The following FMNL3 variants were observed in gnomAD, a reference collection of about 807,000 sequenced individuals.
The protein encoded by FMNL3 is formin-like protein 3.
FMNL3 carries 57 observed loss-of-function variants against 119.6 expected under a neutral mutation model. That is an observed-to-expected ratio of 0.48 (90% CI 0.39 to 0.59). FMNL3 has a LOEUF of 0.59. Ranked by LOEUF, FMNL3 falls within the 20% of genes least tolerant of loss-of-function variation. FMNL3 has a pLI of 0.00. For missense variants in FMNL3, 1,053 were observed against 1,323.5 expected, an observed-to-expected ratio of 0.80 and a Z score of 3.17; for synonymous variants, 491 against 507.3, an observed-to-expected ratio of 0.97 and a Z score of 0.43.
At chr12:49,646,707 T>G in intron 25 of FMNL3, 179 bp downstream of exon 25, 1 of 1,542,906 alleles carries the variant, frequency 6.5e-7, no homozygotes, top group Non-Finnish European at 8.7e-7. Flanking sequence ...AGAAGAAGCG[T>G]GAGCCCCGCT....
chr12:49,698,630 G>T (rs1259571377), intron 1 of FMNL3, among the ~76,000 whole-genome samples: 1 of 152,052 alleles, frequency 6.6e-6, no homozygotes, highest in South Asian at 2.1e-4. Context: ...AGAGAACCTG[G>T]AAAGAGGAAG....
chr12:49,672,461 T>C (rs12310510), intron 1 of FMNL3, among the ~76,000 whole-genome samples: 32,699 of 152,068 alleles, frequency 0.22, 5,846 homozygotes, highest in African/African-American at 0.5. Context: ...ATAATAAAAA[T>C]CTATAATGGG....
chr12:49,648,173 C>T lies in FMNL3; in HGVS notation c.2676+20G>A, dbSNP rs778392739. 10 of 1,605,236 alleles carry T rather than the reference C, an allele frequency of 6.2e-6. No individual in the cohort carries two copies. Among genetic ancestry groups the T allele is most frequent in the Non-Finnish European group, 8.5e-6 (10 of 1,174,486 alleles). On this transcript the variant is annotated intron_variant, in intron 22 of 25. Coordinates refer to ENST00000335154, the MANE Select transcript of FMNL3 (RefSeq NM_175736.5). The stretch of plus-strand genomic sequence containing the variant: ...GTGCCTTGGCCCTGGTTGCTCCCAC[C>T]GCCTGCACCCCGTGCTTGCCTCAGC...
intron 1 of FMNL3, among the ~76,000 whole-genome samples, chr12:49,695,647 G>A (rs143275578): frequency 9.7e-4 from 147 of 152,232 alleles, no homozygotes; most frequent in Non-Finnish European, 1.8e-3. Flanking sequence ...CCAGGCAGTC[G>A]GTAAGGACCA....
At chr12:49,691,729 T>C (rs1043622018) in intron 1 of FMNL3, among the ~76,000 whole-genome samples, 17 of 151,590 alleles carry the variant, frequency 1.1e-4, no homozygotes, top group Admixed American at 9.2e-4. Context: ...GCCTTTTTTT[T>C]CCCCCCATTA....
chr12:49,684,945 G>A (rs1944420016), intron 1 of FMNL3, among the ~76,000 whole-genome samples: 1 of 152,228 alleles, frequency 6.6e-6, no homozygotes, highest in African/African-American at 2.4e-5. Flanking sequence ...TCTGGACACA[G>A]AAGGGGTCCA....
In FMNL3 at chr12:49,664,603, G is replaced by C. The variant is rs533510449; in HGVS notation, c.368+1229C>G. ...CAGTCAGTGAAGTCAGTGAAGGACT[G>C]ACCAAACAAAGGAAGAGGCTTGGCC... is the stretch of plus-strand genomic sequence containing the variant. On this transcript the variant is annotated intron_variant, in intron 4 of 25. Transcript: ENST00000335154. Among the ~76,000 whole-genome samples, 54 of 152,282 alleles carry C rather than the reference G, an allele frequency of 3.5e-4. 2 individuals carry two copies. The South Asian group carries it at 0.011, about 32-fold the overall frequency.
chr12:49,691,206 T>C (rs762442671), intron 1 of FMNL3, among the ~76,000 whole-genome samples: 1 of 152,264 alleles, frequency 6.6e-6, no homozygotes, highest in Non-Finnish European at 1.5e-5. Flanking sequence ...AGAGTTGTGA[T>C]GATTAAATGA....
At chr12:49,669,597 C>A (rs190553153) in intron 1 of FMNL3, among the ~76,000 whole-genome samples, 2 of 152,094 alleles carry the variant, frequency 1.3e-5, no homozygotes, top group African/African-American at 4.8e-5. Flanking sequence ...TTTGGGAGGC[C>A]GAGGTGGGCG....
At chr12:49,700,043 A>C (rs1488751255) in intron 1 of FMNL3, among the ~76,000 whole-genome samples, 1 of 152,238 alleles carries the variant, frequency 6.6e-6, no homozygotes, top group Non-Finnish European at 1.5e-5. Context: ...ATAATCAGAG[A>C]TGGACACAAA....
chr12:49,692,408 TA>T (rs1237810757), intron 1 of FMNL3, among the ~76,000 whole-genome samples: 1 of 151,874 alleles, frequency 6.6e-6, no homozygotes, highest in Non-Finnish European at 1.5e-5. Flanking sequence ...CACAAGTAGA[TA>T]ATGTAAAAGA....
chr12:49,651,136 A>G, intron 16 of FMNL3, 32 bp downstream of exon 16: 1 of 1,605,888 alleles, frequency 6.2e-7, no homozygotes, highest in Non-Finnish European at 8.5e-7. Flanking sequence ...CTAGCCCTCA[A>G]CCTTAGCCCT....
chr12:49,641,753 G>T lies in FMNL3; in HGVS notation c.*4062C>A. On this transcript the variant is annotated 3_prime_UTR_variant, in exon 26 of 26. Transcript: ENST00000335154. Reference sequence around the variant, plus strand: ...GGGGGCTTAATTGTCAAGTGATGAGGACTTGGATAACTTGGTTTCTAATGC... The same window carrying T: ...GGGGGCTTAATTGTCAAGTGATGAGTACTTGGATAACTTGGTTTCTAATGC... 1 of 624,740 alleles carries T rather than the reference G, an allele frequency of 1.6e-6. No individual in the cohort carries two copies. The highest frequency in any genetic ancestry group is 2.8e-6 in the Non-Finnish European group (1 of 352,846). 38.7% of individuals were successfully genotyped at this position (624,740 alleles called of 1,614,324 possible). A position where few individuals can be genotyped will look rare whatever the true frequency, so the allele number is the denominator to read the frequency against.
rs1942440648 is a variant in FMNL3, at chr12:49,640,314, G to A, written c.*5501C>T. Reference sequence around the variant, plus strand: ...CCAGTCTAGGATGTTTGAAAATCAGGAGAGATGAAGGATGAGATTGCGAGG... The same window carrying A: ...CCAGTCTAGGATGTTTGAAAATCAGAAGAGATGAAGGATGAGATTGCGAGG... On this transcript the variant is annotated 3_prime_UTR_variant, in exon 26 of 26. Coordinates refer to ENST00000335154, the MANE Select transcript of FMNL3 (RefSeq NM_175736.5). The A allele has an allele frequency of 6.6e-6, 1 of 152,244 alleles. No individual in the cohort carries two copies. The highest frequency in any genetic ancestry group is 6.5e-5 in the Admixed American group (1 of 15,284). The allele number at this position is 152,244 out of a possible 1,614,324, so 9.4% of individuals were successfully genotyped here. A position where few individuals can be genotyped will look rare whatever the true frequency, so the allele number is the denominator to read the frequency against.
rs182723490 is a variant in FMNL3 at position 49,647,389 on chromosome 12, G to C, written c.2779-21C>G. 7 of 1,608,166 alleles carry C rather than the reference G, an allele frequency of 4.4e-6. No individual in the cohort carries two copies. Among genetic ancestry groups the C allele is most frequent in the Non-Finnish European group, 5.1e-6 (6 of 1,178,806 alleles). On this transcript the variant is annotated intron_variant, in intron 23 of 25. Coordinates refer to ENST00000335154, the MANE Select transcript of FMNL3 (RefSeq NM_175736.5). This position sits in a 1 kb window ranked among gnomAD's most constrained non-coding sequence, Gnocchi z 4.9. ...GCTTCCTAAGAGCCATGGAAGATGG[G>C]GGGTGGGGAGTGAGGCTCATAGGCT... is the stretch of plus-strand genomic sequence containing the variant.
In FMNL3 at chr12:49,649,915, G is replaced by A. The variant is rs780735378; in HGVS notation, c.2011C>T (p.Gln671Ter). 2 of 1,613,514 alleles carry A rather than the reference G, an allele frequency of 1.2e-6. No individual in the cohort carries two copies. The highest frequency in any genetic ancestry group is 1.7e-6 in the Non-Finnish European group (2 of 1,179,878). The change falls in exon 18 of 26, where the codon CAG (glutamine) becomes TAG (stop). Residue 671 changes from glutamine (Q) to a stop codon, truncating the protein, a stop_gained. Transcript: ENST00000335154. LOFTEE classifies it high-confidence loss of function. The surrounding 1 kb of genome is among the most constrained non-coding windows in gnomAD (Gnocchi z 5.6). ...ICRAIHTFDL[Q>*]TLPVDFVECL... Reference sequence around the variant, plus strand: ...TCCACGAAGTCCACAGGTAGTGTCTGCAAGTCAAACCTGTGGAGGAGGGAG... The same window carrying A: ...TCCACGAAGTCCACAGGTAGTGTCTACAAGTCAAACCTGTGGAGGAGGGAG...
At chr12:49,657,702 G>C (rs987500409) in intron 6 of FMNL3, among the ~76,000 whole-genome samples, 69 of 152,198 alleles carry the variant, frequency 4.5e-4, no homozygotes, top group African/African-American at 1.6e-3. Context: ...ATGTTTCATG[G>C]AAAAGGGAGG....
intron 1 of FMNL3, among the ~76,000 whole-genome samples, chr12:49,698,837 C>T (rs1398859690): frequency 6.6e-6 from 1 of 152,184 alleles, no homozygotes; most frequent in Non-Finnish European, 1.5e-5. Flanking sequence ...AAATGGAATG[C>T]AGGAATTCTA....
Position 49,647,476 on chromosome 12 carries a change from G to GT in FMNL3, c.2779-109dup, listed in dbSNP as rs1943242654. On this transcript the variant is annotated intron_variant, in intron 23 of 25. Transcript: ENST00000335154. The surrounding 1 kb of genome is among the most constrained non-coding windows in gnomAD (Gnocchi z 4.9). ...TGGCAGTGGGACCCGCTAACTCCAG[G>GT]TGGCCACCCTCTGGAGGGGCACTTC... 62 of 1,264,184 alleles carry GT rather than the reference G, an allele frequency of 4.9e-5. No individual in the cohort carries two copies. The South Asian group carries it at 7.3e-4, about 15-fold the overall frequency. 78.3% of individuals were successfully genotyped at this position (1,264,184 alleles called of 1,614,324 possible). A position where few individuals can be genotyped will look rare whatever the true frequency, so the allele number is the denominator to read the frequency against.
Sources: allele counts gnomAD v4.1 joint callset (sites outside exome capture counted in the v4.1 genomes callset), GRCh38; gene constraint gnomAD v4.1.1; non-coding constraint Gnocchi (gnomAD v3.1); transcripts MANE v1.5; gene names NCBI Gene and HGNC (gene_info 2026-07-23, HGNC 2026-07-21).